ADK: variants seen among roughly 807,000 people sequenced by gnomAD.
ADK encodes N6,N6-dimethyladenosine kinase.
In ADK, 24 loss-of-function variants were observed where a neutral mutation model predicts 44.7. The observed-to-expected ratio is 0.54, with a 90% confidence interval of 0.39 to 0.76. The LOEUF (loss-of-function observed/expected upper bound fraction) is 0.76, where lower values mean the gene tolerates loss of function less well. Ranked by LOEUF, ADK falls within the 30% of genes least tolerant of loss-of-function variation. The pLI, the probability that ADK is intolerant of heterozygous loss-of-function variation, is 0.00. For missense variants in ADK, 321 were observed against 425.1 expected (o/e 0.76, Z 2.15); for synonymous variants, 128 against 142.6 (o/e 0.90, Z 0.73).
chr10:74,384,004 GAC>G (rs1468226844), intron 4 of ADK, among the ~76,000 whole-genome samples: 1 of 152,046 alleles, frequency 6.6e-6, no homozygotes, highest in African/African-American at 2.4e-5. Context: ...TGTCAGCTTG[GAC>G]ACAGTTTCTC....
intron 3 of ADK, among the ~76,000 whole-genome samples, chr10:74,268,740 G>A (rs115219662): frequency 5.3e-4 from 80 of 152,234 alleles, no homozygotes; most frequent in Middle Eastern, 3.4e-3. Flanking sequence ...ATTGATTACC[G>A]CTTTCAGTGC....
chr10:74,211,879 G>A (rs149664945), intron 2 of ADK, among the ~76,000 whole-genome samples: 213 of 152,094 alleles, frequency 1.4e-3, no homozygotes, highest in African/African-American at 4.9e-3. Context: ...TTCAAAAAAA[G>A]TTGTATCTAT....
chr10:74,371,809 C>T, intron 4 of ADK: 1 of 1,263,636 alleles, frequency 7.9e-7, no homozygotes, highest in South Asian at 1.2e-5. Flanking sequence ...AAGTTTGCTG[C>T]TGCCACTGGA....
At chr10:74,310,186 A>G (rs1410168512) in intron 3 of ADK, among the ~76,000 whole-genome samples, 6 of 152,170 alleles carry the variant, frequency 3.9e-5, no homozygotes, top group Non-Finnish European at 8.8e-5. Context: ...AGGAGAAAGT[A>G]AGAAGGAATC....
At chr10:74,164,105 T>C (rs1269988429) in intron 1 of ADK, among the ~76,000 whole-genome samples, 1 of 152,248 alleles carries the variant, frequency 6.6e-6, no homozygotes, top group Non-Finnish European at 1.5e-5. Context: ...AACATAGTGA[T>C]GAAATTCTAC....
chr10:74,180,754 G>T (rs1044724284), intron 1 of ADK, among the ~76,000 whole-genome samples: 1 of 151,976 alleles, frequency 6.6e-6, no homozygotes, highest in African/African-American at 2.4e-5. Flanking sequence ...AACCGTGCCC[G>T]GCTGGCCATG....
At chr10:74,300,083 T>C (rs1839952478) in intron 3 of ADK, among the ~76,000 whole-genome samples, 1 of 151,662 alleles carries the variant, frequency 6.6e-6, no homozygotes, top group Non-Finnish European at 1.5e-5. Flanking sequence ...AGGATCTTGC[T>C]ATGTTCTCCA....
chr10:74,461,767 G>A (rs1163991943), intron 6 of ADK, among the ~76,000 whole-genome samples: 1 of 152,018 alleles, frequency 6.6e-6, no homozygotes, highest in East Asian at 1.9e-4. Flanking sequence ...AAACATTTTT[G>A]TAATAGTGCT....
intron 4 of ADK, among the ~76,000 whole-genome samples, chr10:74,355,172 A>C (rs1209756641): frequency 1.3e-5 from 2 of 152,172 alleles, no homozygotes; most frequent in African/African-American, 4.8e-5. Flanking sequence ...TATTTGGCTA[A>C]GCTCACATGG....
intron 6 of ADK, among the ~76,000 whole-genome samples, chr10:74,480,946 C>A (rs919602367): frequency 7.2e-5 from 11 of 152,094 alleles, no homozygotes; most frequent in African/African-American, 2.4e-4. Context: ...GTTGGATCTT[C>A]TTTTCCTGTC....
chr10:74,176,447 T>C, intron 1 of ADK: 1 of 1,072,264 alleles, frequency 9.3e-7, no homozygotes, highest in Non-Finnish European at 1.1e-6. Context: ...CTTGCCGAGG[T>C]AGACAGTGGC....
chr10:74,331,923 G>C (rs1177474693), intron 4 of ADK, among the ~76,000 whole-genome samples: 1 of 152,064 alleles, frequency 6.6e-6, no homozygotes, highest in African/African-American at 2.4e-5. Flanking sequence ...TTGCGATCTT[G>C]GCTCACTGCA....
At chr10:74,174,134 C>T (rs1475161174) in intron 1 of ADK, among the ~76,000 whole-genome samples, 1 of 150,356 alleles carries the variant, frequency 6.7e-6, no homozygotes, top group Non-Finnish European at 1.5e-5. Context: ...GAAACCTTGT[C>T]TCTACTAAAA....
chr10:74,555,904 T>G (rs968257631), intron 7 of ADK, among the ~76,000 whole-genome samples: 38 of 152,318 alleles, frequency 2.5e-4, no homozygotes, highest in African/African-American at 9.1e-4. Context: ...AGAGCAATTT[T>G]CCTATTGACT....
chr10:74,195,398 G>A (rs1280938516), intron 1 of ADK, among the ~76,000 whole-genome samples: 1 of 152,136 alleles, frequency 6.6e-6, no homozygotes, highest in African/African-American at 2.4e-5. Context: ...AACGTGACAT[G>A]AGCAAAGTTT....
chr10:74,183,312 C>T (rs143562489), intron 1 of ADK, among the ~76,000 whole-genome samples: 137 of 152,080 alleles, frequency 9.0e-4, no homozygotes, highest in African/African-American at 3.2e-3. Context: ...TGGCACATGC[C>T]TATAATCTCA....
chr10:74,308,860 GCTCT>G (rs144856572), intron 3 of ADK, among the ~76,000 whole-genome samples: 1 of 150,684 alleles, frequency 6.6e-6, no homozygotes, highest in African/African-American at 2.4e-5. Context: ...ATGCTCACTC[GCTCT>G]CTCTCTCTCT....
intron 1 of ADK, among the ~76,000 whole-genome samples, chr10:74,155,429 T>G (rs999944832): frequency 2.0e-5 from 3 of 152,092 alleles, no homozygotes; most frequent in Non-Finnish European, 4.4e-5. Context: ...GTGCTGGGAT[T>G]ACACGTGTGA....
intron 1 of ADK, among the ~76,000 whole-genome samples, chr10:74,164,381 C>G (rs1274960559): frequency 1.3e-5 from 2 of 151,816 alleles, no homozygotes; most frequent in East Asian, 1.9e-4. Context: ...ACTAAAAATA[C>G]AAAAATTAGC....
Sources: gnomAD v4.1 joint callset for allele counts (sites outside exome capture counted in the v4.1 genomes callset) on GRCh38, gnomAD v4.1.1 for gene constraint, MANE v1.5 for transcripts, NCBI Gene and HGNC (gene_info 2026-07-23, HGNC 2026-07-21) for gene names.